The following NKAIN2 variants were observed in gnomAD, a reference collection of about 807,000 sequenced individuals.
NKAIN2 encodes the protein sodium/potassium-transporting ATPase subunit beta-1-interacting protein 2.
NKAIN2 carries 14 observed loss-of-function variants against 32.6 expected under a neutral mutation model. That is an observed-to-expected ratio of 0.43 (90% CI 0.28 to 0.67). NKAIN2 has a LOEUF of 0.67. Ranked by LOEUF, NKAIN2 falls within the 30% of genes least tolerant of loss-of-function variation. The pLI is 0.17. For synonymous variants in NKAIN2, 80 were observed against 87.2 expected (o/e 0.92, Z 0.46); for missense variants, 198 against 258.3 (o/e 0.77, Z 1.60).
chr6:123,970,736 G>A (rs1417163198), intron 1 of NKAIN2, among the ~76,000 whole-genome samples: 2 of 151,812 alleles, frequency 1.3e-5, no homozygotes, highest in Admixed American at 1.3e-4. Context: ...CAAAAAATTA[G>A]CCAGGCATGG....
chr6:124,376,445 T>G (rs546563323), intron 3 of NKAIN2, among the ~76,000 whole-genome samples: 1 of 152,262 alleles, frequency 6.6e-6, no homozygotes, highest in East Asian at 1.9e-4. Context: ...AAAAATCTCA[T>G]AGTGTGAAAT....
intron 4 of NKAIN2, among the ~76,000 whole-genome samples, chr6:124,752,475 A>G (rs1463381408): frequency 1.3e-5 from 2 of 151,616 alleles, no homozygotes; most frequent in Non-Finnish European, 2.9e-5. Flanking sequence ...CTCCTATCCC[A>G]TCTTTGTTAT....
chr6:124,104,771 A>G (rs1785041153), intron 1 of NKAIN2, among the ~76,000 whole-genome samples: 1 of 152,228 alleles, frequency 6.6e-6, no homozygotes, highest in African/African-American at 2.4e-5. Flanking sequence ...ACTCAGTTCT[A>G]TAGTTACTGC....
At chr6:124,753,325 C>G (rs1583796566) in intron 4 of NKAIN2, among the ~76,000 whole-genome samples, 1 of 152,120 alleles carries the variant, frequency 6.6e-6, no homozygotes, top group East Asian at 1.9e-4. Context: ...GATTATAAAT[C>G]AACCAGTACA....
chr6:124,798,134 T>C (rs899974180), intron 5 of NKAIN2, among the ~76,000 whole-genome samples: 2 of 151,958 alleles, frequency 1.3e-5, no homozygotes, highest in African/African-American at 4.8e-5. Flanking sequence ...CCCATCTGAT[T>C]GTTAGGGCCA....
intron 3 of NKAIN2, among the ~76,000 whole-genome samples, chr6:124,601,334 C>G (rs769104337): frequency 6.6e-6 from 1 of 152,028 alleles, no homozygotes; most frequent in Non-Finnish European, 1.5e-5. Context: ...TACCTGTGTT[C>G]GTTGACAACT....
chr6:123,884,893 A>G (rs2114346350), intron 1 of NKAIN2, among the ~76,000 whole-genome samples: 1 of 152,220 alleles, frequency 6.6e-6, no homozygotes, highest in African/African-American at 2.4e-5. Context: ...CAGTGTCTAT[A>G]TTTTTAGTTA....
chr6:124,609,365 T>TA, intron 3 of NKAIN2, among the ~76,000 whole-genome samples: 1 of 152,190 alleles, frequency 6.6e-6, no homozygotes, highest in Non-Finnish European at 1.5e-5. Context: ...TATTTTTTCA[T>TA]CACTCACCCT....
At chr6:124,350,187 A>G (rs1329125171) in intron 2 of NKAIN2, among the ~76,000 whole-genome samples, 1 of 152,230 alleles carries the variant, frequency 6.6e-6, no homozygotes, top group Non-Finnish European at 1.5e-5. Flanking sequence ...AAACTGCATC[A>G]TTGTCAATTA....
chr6:124,538,047 T>TC (rs1465741888), intron 3 of NKAIN2, among the ~76,000 whole-genome samples: 3 of 152,132 alleles, frequency 2.0e-5, no homozygotes, highest in African/African-American at 7.2e-5. Flanking sequence ...GTGAGCCTAA[T>TC]CCAATTATTC....
chr6:124,576,916 A>G (rs1470397015), intron 3 of NKAIN2, among the ~76,000 whole-genome samples: 2 of 152,208 alleles, frequency 1.3e-5, no homozygotes, highest in Non-Finnish European at 2.9e-5. Flanking sequence ...TGGTTAGGCA[A>G]AGACCTCTTA....
At chr6:124,170,866 T>A (rs1788808773) in intron 1 of NKAIN2, among the ~76,000 whole-genome samples, 1 of 152,170 alleles carries the variant, frequency 6.6e-6, no homozygotes, top group Admixed American at 6.5e-5. Context: ...AACTGATAAT[T>A]TTCTGACAAA....
chr6:124,405,642 A>C (rs1381596436), intron 3 of NKAIN2, among the ~76,000 whole-genome samples: 2 of 151,850 alleles, frequency 1.3e-5, no homozygotes, highest in Non-Finnish European at 2.9e-5. Flanking sequence ...TGCCTCCCGA[A>C]GAGCTGGAAC....
intron 1 of NKAIN2, among the ~76,000 whole-genome samples, chr6:123,886,437 C>T (rs1485003507): frequency 6.6e-6 from 1 of 151,968 alleles, no homozygotes; most frequent in Non-Finnish European, 1.5e-5. Context: ...AATATATATA[C>T]CTTAGTATCT....
intron 1 of NKAIN2, among the ~76,000 whole-genome samples, chr6:124,188,028 A>G (rs961859543): frequency 6.6e-6 from 1 of 152,080 alleles, no homozygotes; most frequent in Non-Finnish European, 1.5e-5. Flanking sequence ...TTATCTTTCC[A>G]CCGTAGATCC....
intron 1 of NKAIN2, among the ~76,000 whole-genome samples, chr6:123,891,908 G>A (rs1163459074): frequency 2.0e-5 from 3 of 152,046 alleles, no homozygotes; most frequent in Admixed American, 1.3e-4. Flanking sequence ...CATGAAGCAG[G>A]GCTCTGATAA....
chr6:124,600,087 A>G (rs1354492349), intron 3 of NKAIN2, among the ~76,000 whole-genome samples: 2 of 152,120 alleles, frequency 1.3e-5, no homozygotes, highest in Non-Finnish European at 2.9e-5. Flanking sequence ...TACAGTGAGT[A>G]AAAGAGAATG....
At chr6:124,509,560 GTGTT>G (rs1656279672) in intron 3 of NKAIN2, among the ~76,000 whole-genome samples, 1 of 152,210 alleles carries the variant, frequency 6.6e-6, no homozygotes, top group Non-Finnish European at 1.5e-5. Flanking sequence ...TGAACAAAAA[GTGTT>G]TGGTGAGCTC....
intron 1 of NKAIN2, among the ~76,000 whole-genome samples, chr6:124,228,416 A>T (rs961513621): frequency 6.6e-6 from 1 of 152,152 alleles, no homozygotes; most frequent in Admixed American, 6.6e-5. Context: ...AGCCTCTGGA[A>T]CTGTGAGTAA....
Sources: allele counts gnomAD v4.1 joint callset (sites outside exome capture counted in the v4.1 genomes callset), GRCh38; gene constraint gnomAD v4.1.1; transcripts MANE v1.5; gene names NCBI Gene and HGNC (gene_info 2026-07-23, HGNC 2026-07-21).